Variants in ARHGEF38 observed in about 807,000 individuals in gnomAD.
ARHGEF38 encodes the protein Rho guanine nucleotide exchange factor (GEF) 38.
A neutral mutation model predicts 79.9 loss-of-function variants in ARHGEF38; 79 were observed. The observed-to-expected ratio is 0.99, with a 90% confidence interval of 0.82 to 1.19. The LOEUF is 1.19. Ranked by LOEUF, ARHGEF38 falls within the 50% of genes most tolerant of loss-of-function variation. The probability of loss-of-function intolerance (pLI) is 0.00; values close to 1 mark genes in which losing one functional copy is unlikely to be tolerated. For missense variants in ARHGEF38, 962 were observed against 907.2 expected, an observed-to-expected ratio of 1.06 and a Z score of -0.78; for synonymous variants, 366 against 328.3, an observed-to-expected ratio of 1.11 and a Z score of -1.24.
rs74638834 is a variant in ARHGEF38 at position 105,601,889 on chromosome 4, A to G, written c.385-11495A>G. 3.4e-3 allele frequency among the ~76,000 whole-genome samples: 516 copies of G among 152,240 alleles called. 6 individuals carry two copies. The highest frequency in any genetic ancestry group is 0.012 in the African/African-American group (489 of 41,540). ...TTTTATCCCTATAACATTTAACCCT[A>G]TATTTAATACAATATATTTTCCTTA... is the stretch of plus-strand genomic sequence containing the variant. On this transcript the variant is annotated intron_variant, in intron 2 of 13. Transcript: ENST00000420470.
rs1405062931 is a variant in ARHGEF38 at position 105,645,319 on chromosome 4, A to T, written c.806A>T (p.Asp269Val). The part of the protein sequence containing the change: ...PPSHPDYRAL[D>V]DAFAAVKDIN... ...TCTCACCCAGATTACAGAGCACTGGACGATGCCTTTGCTGCTGTGAAGGAC... is the reference window on the plus strand; with the variant it reads ...TCTCACCCAGATTACAGAGCACTGGTCGATGCCTTTGCTGCTGTGAAGGAC... The change falls in exon 6 of 14, where the codon GAC becomes GTC. Residue 269 changes from aspartate to valine, a missense_variant. Transcript: ENST00000420470. 1.3e-6 allele frequency: 2 copies of T among 1,536,442 alleles called. No individual in the cohort carries two copies. The highest frequency in any genetic ancestry group is 2.0e-5 in the Admixed American group (1 of 50,988).
At chr4:105,669,127 G>T (rs1310018259) in intron 13 of ARHGEF38, among the ~76,000 whole-genome samples, 3 of 152,066 alleles carry the variant, frequency 2.0e-5, no homozygotes, top group Non-Finnish European at 4.4e-5. Context: ...CAATGCTTGG[G>T]TATATCCTTT....
At chr4:105,644,722 T>G (rs370165937) in intron 5 of ARHGEF38, among the ~76,000 whole-genome samples, 1 of 152,218 alleles carries the variant, frequency 6.6e-6, no homozygotes, top group Admixed American at 6.5e-5. Context: ...CTTCTCAATT[T>G]GGTGGAAGAG....
chr4:105,666,859 T>A (rs1232060921), intron 11 of ARHGEF38, among the ~76,000 whole-genome samples: 2 of 152,212 alleles, frequency 1.3e-5, no homozygotes, highest in Non-Finnish European at 2.9e-5. Context: ...TTGTGCAACA[T>A]CCAAGAGGGA....
intron 1 of ARHGEF38, among the ~76,000 whole-genome samples, chr4:105,573,463 G>T (rs191403009): frequency 5.3e-5 from 8 of 152,022 alleles, no homozygotes; most frequent in Admixed American, 2.0e-4. Flanking sequence ...CAATTTTCCC[G>T]GCACCATTTG....
rs567928359 is a variant in ARHGEF38 at position 105,553,820 on chromosome 4, T to G, written c.196+859T>G. 2.0e-5 allele frequency among the ~76,000 whole-genome samples: 3 copies of G among 152,294 alleles called. No individual in the cohort carries two copies. In the South Asian group the frequency reaches 6.2e-4, roughly 32 times the overall value. Reference sequence around the variant, plus strand: ...TCCTCCAGAACTTGCCTCTCCTGCTTTTAGCACAAGGTGTGTCTGAACTCT... The same window carrying G: ...TCCTCCAGAACTTGCCTCTCCTGCTGTTAGCACAAGGTGTGTCTGAACTCT... On this transcript the variant is annotated intron_variant, in intron 1 of 13. Coordinates refer to ENST00000420470, the MANE Select transcript of ARHGEF38 (RefSeq NM_001242729.2).
At chr4:105,571,778 A>G (rs1239041119) in intron 1 of ARHGEF38, among the ~76,000 whole-genome samples, 1 of 152,242 alleles carries the variant, frequency 6.6e-6, no homozygotes, top group Non-Finnish European at 1.5e-5. Flanking sequence ...GTATTCATCA[A>G]TGTAGATTCT....
At chr4:105,626,007 C>T (rs1260624466) in intron 3 of ARHGEF38, among the ~76,000 whole-genome samples, 1 of 152,156 alleles carries the variant, frequency 6.6e-6, no homozygotes, top group African/African-American at 2.4e-5. Context: ...TTTCTTCTCA[C>T]TCTGTGAACA....
intron 3 of ARHGEF38, among the ~76,000 whole-genome samples, chr4:105,625,556 G>A (rs1033478040): frequency 6.6e-6 from 1 of 152,206 alleles, no homozygotes; most frequent in Non-Finnish European, 1.5e-5. Context: ...CATGGACAAG[G>A]TAAAGGTATT....
At position 105,667,296 on chromosome 4, in the gene ARHGEF38, G is replaced by C; in HGVS notation, c.1857G>C (p.Gly619=). ...VAVIEQKDPL[G]STSRWLVDTG... is the part of the protein sequence containing the mutation. ...TGATAGAACAGAAAGATCCACTGGG[G>C]AGTACAAGCAGGTGGCTTGTGGACA... is the stretch of plus-strand genomic sequence containing the variant. The change falls in exon 12 of 14, where the codon GGG becomes GGC. Residue 619 remains glycine (G), a synonymous_variant. Transcript: ENST00000420470. 1 of 1,536,164 alleles carries C rather than the reference G, an allele frequency of 6.5e-7. No homozygotes were observed. The highest frequency in any genetic ancestry group is 8.7e-7 in the Non-Finnish European group (1 of 1,146,914).
intron 3 of ARHGEF38, among the ~76,000 whole-genome samples, chr4:105,628,151 G>A (rs1169536360): frequency 1.3e-5 from 2 of 152,152 alleles, no homozygotes; most frequent in Non-Finnish European, 2.9e-5. Flanking sequence ...ATAAAGATAA[G>A]TGTTTTAGCT....
At chr4:105,603,996 T>G (rs1203590356) in intron 2 of ARHGEF38, among the ~76,000 whole-genome samples, 1 of 152,194 alleles carries the variant, frequency 6.6e-6, no homozygotes, top group Non-Finnish European at 1.5e-5. Flanking sequence ...TTTGGTATGT[T>G]TACTATCTTC....
At chr4:105,639,577 T>C (rs1370029239) in intron 5 of ARHGEF38, among the ~76,000 whole-genome samples, 1 of 152,020 alleles carries the variant, frequency 6.6e-6, no homozygotes, top group Non-Finnish European at 1.5e-5. Flanking sequence ...CAAAATCCAT[T>C]TTTATTGTTT....
chr4:105,649,503 A>T (rs562534441), intron 7 of ARHGEF38, among the ~76,000 whole-genome samples: 1 of 152,362 alleles, frequency 6.6e-6, no homozygotes, highest in East Asian at 1.9e-4. Flanking sequence ...CAAGATAGAA[A>T]GTTCATGGTC....
intron 4 of ARHGEF38, chr4:105,633,144 T>C (rs1729263148): frequency 6.6e-6 from 1 of 152,334 alleles, no homozygotes; most frequent in Non-Finnish European, 1.5e-5. Flanking sequence ...CACTGGAAGG[T>C]GTTAAGGTTT....
chr4:105,593,437 C>A (rs1318542687), intron 2 of ARHGEF38, among the ~76,000 whole-genome samples: 1 of 152,010 alleles, frequency 6.6e-6, no homozygotes, highest in Non-Finnish European at 1.5e-5. Context: ...ACTCAGGAGG[C>A]TGAGGTGGGA....
chr4:105,648,776 T>C, intron 7 of ARHGEF38, 94 bp downstream of exon 7: 1 of 1,265,648 alleles, frequency 7.9e-7, no homozygotes, highest in Non-Finnish European at 1.1e-6. Context: ...ATTTCTAGAA[T>C]ACTGAGAATC....
In ARHGEF38 at chr4:105,667,150, G is replaced by A; in HGVS notation, c.1711G>A (p.Asp571Asn). ...CCAGCCAGAAATGCCACATCAAACTGACATTCATCGCTCCAAACTTCTATC... is the reference window on the plus strand; with the variant it reads ...CCAGCCAGAAATGCCACATCAAACTAACATTCATCGCTCCAAACTTCTATC... Reference protein sequence around the residue: ...QILPEMPHQTDIHRSKLLSTY... With the variant: ...QILPEMPHQTNIHRSKLLSTY... Residue 571 changes from aspartate to asparagine, a missense_variant, in exon 12 of 14, where the codon GAC becomes AAC. Transcript: ENST00000420470. 1 of 1,533,930 alleles carries A rather than the reference G, an allele frequency of 6.5e-7. No individual in the cohort carries two copies. Among genetic ancestry groups the A allele is most frequent in the Non-Finnish European group, 8.7e-7 (1 of 1,145,406 alleles).
chr4:105,639,085 T>A (rs1729515739), intron 5 of ARHGEF38, among the ~76,000 whole-genome samples: 1 of 152,044 alleles, frequency 6.6e-6, no homozygotes, highest in African/African-American at 2.4e-5. Context: ...TAGATACAAA[T>A]AATATTGATA....
Sources: gnomAD v4.1 joint callset for allele counts (sites outside exome capture counted in the v4.1 genomes callset) on GRCh38, gnomAD v4.1.1 for gene constraint, MANE v1.5 for transcripts, NCBI Gene and HGNC (gene_info 2026-07-23, HGNC 2026-07-21) for gene names.